The following LCLAT1 variants were observed in gnomAD, a reference collection of about 807,000 sequenced individuals.
The protein encoded by LCLAT1 is 1-AGP acyltransferase 8.
A neutral mutation model predicts 30.7 loss-of-function variants in LCLAT1; 11 were observed. That is an observed-to-expected ratio of 0.36 (90% confidence interval 0.23 to 0.59). The LOEUF (loss-of-function observed/expected upper bound fraction) is 0.59, where lower values mean the gene tolerates loss of function less well. Among genes scored for constraint, LCLAT1 ranks in the 20% least tolerant of loss-of-function variants. LCLAT1 has a pLI of 0.77. For missense variants in LCLAT1, 402 were observed against 458.6 expected (o/e 0.88, Z 1.13); for synonymous variants, 155 against 151.3 (o/e 1.02, Z -0.18).
intron 1 of LCLAT1, among the ~76,000 whole-genome samples, chr2:30,511,997 C>G (rs722020): frequency 6.6e-6 from 1 of 152,226 alleles, no homozygotes; most frequent in Non-Finnish European, 1.5e-5. Flanking sequence ...TGCTGGCTTA[C>G]ACTTTGTCTT....
At position 30,613,478 on chromosome 2, in the gene LCLAT1, G is replaced by C. The variant is rs369751169; in HGVS notation, c.629-26639G>C. 1.1e-3 allele frequency among the ~76,000 whole-genome samples: 168 copies of C among 152,100 alleles called. 5 individuals carry two copies. The South Asian group carries it at 0.034, about 31-fold the overall frequency. ...ATACATTTTAAGGTGGAAGTGTAGG[G>C]GTGGGTTGCCCCTACACACCTGTGG... On this transcript the variant is annotated intron_variant, in intron 5 of 5. Transcript: ENST00000379509.
chr2:30,510,648 G>T (rs1684896704), intron 1 of LCLAT1, among the ~76,000 whole-genome samples: 1 of 152,106 alleles, frequency 6.6e-6, no homozygotes, highest in Non-Finnish European at 1.5e-5. Context: ...TTTTGAGATT[G>T]TTGTTGCTGA....
chr2:30,602,967 G>A (rs1667263261), intron 5 of LCLAT1, among the ~76,000 whole-genome samples: 1 of 152,278 alleles, frequency 6.6e-6, no homozygotes, highest in Non-Finnish European at 1.5e-5. Flanking sequence ...GAACTGGAAA[G>A]AATTGAGTTA....
At chr2:30,469,609 A>T (rs1441333771) in intron 1 of LCLAT1, among the ~76,000 whole-genome samples, 9 of 118,762 alleles carry the variant, frequency 7.6e-5, no homozygotes. Context: ...GACGGAGTCT[A>T]GCTCTGTCAC....
intron 2 of LCLAT1, among the ~76,000 whole-genome samples, chr2:30,527,900 C>T (rs535401642): frequency 6.6e-6 from 1 of 152,246 alleles, no homozygotes; most frequent in South Asian, 2.1e-4. Flanking sequence ...AATATAGTGG[C>T]TCCAATACAG....
chr2:30,512,895 T>C (rs901814160), intron 1 of LCLAT1, among the ~76,000 whole-genome samples: 3 of 152,198 alleles, frequency 2.0e-5, no homozygotes, highest in Non-Finnish European at 1.5e-5. Flanking sequence ...AACAATGTTG[T>C]ATCCATTTCT....
At chr2:30,622,411 C>T (rs927150269) in intron 5 of LCLAT1, among the ~76,000 whole-genome samples, 6 of 152,168 alleles carry the variant, frequency 3.9e-5, no homozygotes, top group Non-Finnish European at 8.8e-5. Context: ...CTTATCCAGA[C>T]AGCCCTAGGG....
chr2:30,477,665 A>G (rs1683116653), intron 1 of LCLAT1, among the ~76,000 whole-genome samples: 1 of 152,282 alleles, frequency 6.6e-6, no homozygotes, highest in South Asian at 2.1e-4. Flanking sequence ...TTATCTTTCC[A>G]TTTAGGCTAT....
At chr2:30,584,665 C>T (rs1238025647) in intron 5 of LCLAT1, among the ~76,000 whole-genome samples, 1 of 152,142 alleles carries the variant, frequency 6.6e-6, no homozygotes, top group Non-Finnish European at 1.5e-5. Flanking sequence ...GTTGTAGATA[C>T]TGATGCAGCT....
At chr2:30,578,036 A>G (rs1285541172) in intron 5 of LCLAT1, among the ~76,000 whole-genome samples, 5 of 152,200 alleles carry the variant, frequency 3.3e-5, no homozygotes, top group African/African-American at 1.2e-4. Context: ...CTGCCACACA[A>G]TTTCTTAGAC....
At chr2:30,623,093 G>T (rs147168639) in intron 5 of LCLAT1, among the ~76,000 whole-genome samples, 1 of 126,844 alleles carries the variant, frequency 7.9e-6, no homozygotes, top group East Asian at 2.4e-4. Flanking sequence ...TCACTCTGTC[G>T]CCAGGGCTAG....
intron 1 of LCLAT1, among the ~76,000 whole-genome samples, chr2:30,475,628 T>C (rs901975625): frequency 2.6e-5 from 4 of 152,214 alleles, no homozygotes; most frequent in African/African-American, 7.2e-5. Flanking sequence ...AATTTTTAAA[T>C]TGGCATGCCT....
intron 5 of LCLAT1, among the ~76,000 whole-genome samples, chr2:30,637,682 A>C (rs1003860435): frequency 6.6e-6 from 1 of 152,120 alleles, no homozygotes; most frequent in African/African-American, 2.4e-5. Context: ...GGTTCAAGCA[A>C]TTCTCCTGCC....
chr2:30,592,843 T>C (rs1666756521), intron 5 of LCLAT1, among the ~76,000 whole-genome samples: 1 of 147,454 alleles, frequency 6.8e-6, no homozygotes, highest in Non-Finnish European at 1.6e-5. Context: ...ATGTGATATT[T>C]TGATAACTGT....
intron 4 of LCLAT1, among the ~76,000 whole-genome samples, chr2:30,566,920 A>G (rs1665511330): frequency 6.6e-6 from 1 of 152,260 alleles, no homozygotes; most frequent in South Asian, 2.1e-4. Context: ...ATATTTGTAC[A>G]TGATGTGCTA....
intron 1 of LCLAT1, among the ~76,000 whole-genome samples, chr2:30,478,634 C>T (rs959387496): frequency 2.6e-5 from 4 of 152,060 alleles, no homozygotes; most frequent in African/African-American, 9.7e-5. Context: ...TGCCACTGCA[C>T]TCCAGTCTGG....
intron 5 of LCLAT1, among the ~76,000 whole-genome samples, chr2:30,595,244 C>G (rs906694172): frequency 6.6e-6 from 1 of 152,114 alleles, no homozygotes; most frequent in Non-Finnish European, 1.5e-5. Flanking sequence ...CCCTCCTGAC[C>G]ACTATCCTTT....
At chr2:30,557,685 G>A (rs1664992600) in intron 3 of LCLAT1, among the ~76,000 whole-genome samples, 1 of 152,148 alleles carries the variant, frequency 6.6e-6, no homozygotes, top group East Asian at 1.9e-4. Context: ...AAAGTGCTGG[G>A]ATTACAGGCG....
At chr2:30,511,046 A>C (rs1052311998) in intron 1 of LCLAT1, among the ~76,000 whole-genome samples, 4 of 151,392 alleles carry the variant, frequency 2.6e-5, no homozygotes. Flanking sequence ...TTTTCTGTTT[A>C]ATTTAGTCTC....
Sources: allele counts gnomAD v4.1 joint callset (sites outside exome capture counted in the v4.1 genomes callset), GRCh38; gene constraint gnomAD v4.1.1; transcripts MANE v1.5; gene names NCBI Gene and HGNC (gene_info 2026-07-23, HGNC 2026-07-21).